The following RALGPS1 variants were observed in gnomAD, a reference collection of about 807,000 sequenced individuals.
RALGPS1 encodes Ral GEF with PH domain and SH3 binding motif 1.
In RALGPS1, 19 loss-of-function variants were observed where a neutral mutation model predicts 78.8. The ratio of observed to expected loss-of-function variants is 0.24; its 90% CI spans 0.17 to 0.35. The LOEUF (loss-of-function observed/expected upper bound fraction) is 0.35. Among genes scored for constraint, RALGPS1 ranks in the 10% least tolerant of loss-of-function variants. The probability of loss-of-function intolerance (pLI) is 1.00; values close to 1 mark genes in which losing one functional copy is unlikely to be tolerated. For synonymous variants in RALGPS1, 228 were observed against 256.3 expected (o/e 0.89, Z 1.06); for missense variants, 454 against 688.3 (o/e 0.66, Z 3.81).
intron 1 of RALGPS1, among the ~76,000 whole-genome samples, chr9:126,916,654 C>T (rs1472320067): frequency 2.0e-5 from 3 of 152,162 alleles, no homozygotes; most frequent in Non-Finnish European, 4.4e-5. Flanking sequence ...TGGTGGCGGG[C>T]ACCTGTAATC....
chr9:126,992,450 C>T (rs2042366944), intron 4 of RALGPS1, among the ~76,000 whole-genome samples: 1 of 152,306 alleles, frequency 6.6e-6, no homozygotes, highest in Non-Finnish European at 1.5e-5. Context: ...AGGTAGTGTA[C>T]ATCCTTAAAG....
At chr9:127,037,231 A>T (rs964597678) in intron 5 of RALGPS1, among the ~76,000 whole-genome samples, 1 of 152,236 alleles carries the variant, frequency 6.6e-6, no homozygotes, top group Admixed American at 6.5e-5. Context: ...TTAAGACCAG[A>T]CCAACAGGCT....
At chr9:126,989,222 G>A (rs2042066091) in intron 4 of RALGPS1, among the ~76,000 whole-genome samples, 1 of 152,206 alleles carries the variant, frequency 6.6e-6, no homozygotes, top group Non-Finnish European at 1.5e-5. Context: ...GGTCTTTGAG[G>A]TGGGGTGGCT....
rs778992657 is a variant in RALGPS1, at chr9:127,108,594, C to T, written c.610+39238C>T. On this transcript the variant is annotated intron_variant, in intron 8 of 18. Coordinates refer to ENST00000259351, the MANE Select transcript of RALGPS1 (RefSeq NM_014636.3). Reference sequence around the variant, plus strand: ...TGCACTTGTCCTGGGACTCGCCCGCCCGCTTGTACCTGTTTAGGTAAATGA... The same window carrying T: ...TGCACTTGTCCTGGGACTCGCCCGCTCGCTTGTACCTGTTTAGGTAAATGA... The T allele has an allele frequency of 6.8e-6, 11 of 1,613,656 alleles. No homozygotes were observed. The Admixed American group carries it at 1.8e-4, about 27-fold the overall frequency.
At chr9:126,949,039 C>G (rs2037552521) in intron 1 of RALGPS1, among the ~76,000 whole-genome samples, 1 of 149,554 alleles carries the variant, frequency 6.7e-6, no homozygotes, top group Non-Finnish European at 1.5e-5. Flanking sequence ...TTGTTCAATT[C>G]CCATCTGTGA....
chr9:127,219,688 G>C lies in RALGPS1; in HGVS notation c.*919G>C, dbSNP rs188401828. The C allele has an allele frequency of 6.6e-6, 1 of 152,628 alleles. No homozygotes were observed. The highest frequency in any genetic ancestry group is 2.4e-5 in the African/African-American group (1 of 41,448). The allele number at this position is 152,628 out of a possible 1,614,324, so 9.5% of individuals were successfully genotyped here. On this transcript the variant is annotated 3_prime_UTR_variant, in exon 19 of 19. Coordinates refer to ENST00000259351, the MANE Select transcript of RALGPS1 (RefSeq NM_014636.3). This position sits in a 1 kb window ranked among gnomAD's most constrained non-coding sequence, Gnocchi z 5.0. ...CAGAATGGGAAGTTGTGACGTTGCAGCTCCAACCGACGTGCTCATAGTGAT... is the reference window on the plus strand; with the variant it reads ...CAGAATGGGAAGTTGTGACGTTGCACCTCCAACCGACGTGCTCATAGTGAT...
intron 8 of RALGPS1, among the ~76,000 whole-genome samples, chr9:127,118,623 C>T (rs191424338): frequency 6.6e-6 from 1 of 152,290 alleles, no homozygotes; most frequent in Non-Finnish European, 1.5e-5. Context: ...AAGACGGGGA[C>T]AGCACCACCC....
chr9:127,008,685 G>T (rs1024738469), intron 4 of RALGPS1, among the ~76,000 whole-genome samples: 3 of 152,168 alleles, frequency 2.0e-5, no homozygotes, highest in Non-Finnish European at 4.4e-5. Context: ...CTGGGTTTGA[G>T]ATCCTGCTCT....
At chr9:127,107,848 C>T in intron 8 of RALGPS1, 4 of 1,466,286 alleles carry the variant, frequency 2.7e-6, no homozygotes, top group Non-Finnish European at 3.7e-6. Context: ...CATTTGTGGA[C>T]ACAGCCAAGG....
intron 1 of RALGPS1, among the ~76,000 whole-genome samples, chr9:126,928,586 G>A (rs1005659260): frequency 1.3e-5 from 2 of 152,088 alleles, no homozygotes; most frequent in Non-Finnish European, 2.9e-5. Flanking sequence ...TACTACCAGT[G>A]AGGATACTTT....
intron 7 of RALGPS1, among the ~76,000 whole-genome samples, chr9:127,065,624 TAATA>T (rs2049622101): frequency 6.6e-6 from 1 of 152,158 alleles, no homozygotes; most frequent in Non-Finnish European, 1.5e-5. Flanking sequence ...TTATTATATA[TAATA>T]AATATGTCTA....
chr9:127,034,905 G>T (rs948973117), intron 5 of RALGPS1, among the ~76,000 whole-genome samples: 1 of 152,000 alleles, frequency 6.6e-6, no homozygotes, highest in African/African-American at 2.4e-5. Flanking sequence ...GGCCCCATGT[G>T]TGTGGTCTTC....
intron 4 of RALGPS1, among the ~76,000 whole-genome samples, chr9:127,032,133 A>G (rs929538982): frequency 6.6e-6 from 1 of 152,198 alleles, no homozygotes; most frequent in African/African-American, 2.4e-5. Flanking sequence ...GGTGCTTTGC[A>G]TGTCTTAATC....
intron 7 of RALGPS1, among the ~76,000 whole-genome samples, chr9:127,055,912 C>T (rs2048703054): frequency 6.6e-6 from 1 of 152,210 alleles, no homozygotes; most frequent in African/African-American, 2.4e-5. Context: ...TGCTGCTGGC[C>T]TGGCACCTGG....
chr9:126,965,989 A>G, intron 3 of RALGPS1, 38 bp downstream of exon 3: 2 of 1,487,628 alleles, frequency 1.3e-6, no homozygotes, highest in Non-Finnish European at 9.4e-7. Context: ...GCTGGGCACC[A>G]CAGCAGGGCA....
intron 8 of RALGPS1, among the ~76,000 whole-genome samples, chr9:127,157,573 T>C (rs1316950653): frequency 6.6e-6 from 1 of 152,100 alleles, no homozygotes; most frequent in Non-Finnish European, 1.5e-5. Flanking sequence ...ATTTCTAAGT[T>C]TATTCCTAGG....
intron 4 of RALGPS1, among the ~76,000 whole-genome samples, chr9:127,009,336 C>G (rs2133855890): frequency 1.3e-5 from 2 of 152,272 alleles, no homozygotes; most frequent in South Asian, 4.2e-4. Flanking sequence ...CTGGGATCAT[C>G]CATCTCCCTT....
chr9:127,196,725 G>GACACA, intron 13 of RALGPS1, 94 bp downstream of exon 13: 1 of 1,410,850 alleles, frequency 7.1e-7, no homozygotes, highest in Non-Finnish European at 9.5e-7. Context: ...CATGCCCAGT[G>GACACA]GCGCTATCAT....
chr9:127,070,370 G>A (rs1019017302), intron 8 of RALGPS1, among the ~76,000 whole-genome samples: 2 of 152,090 alleles, frequency 1.3e-5, no homozygotes, highest in African/African-American at 4.8e-5. Context: ...CTCAATGAAC[G>A]TCCTTATTGC....
Sources: gnomAD v4.1 joint callset for allele counts (sites outside exome capture counted in the v4.1 genomes callset) on GRCh38, gnomAD v4.1.1 for gene constraint, Gnocchi (gnomAD v3.1) non-coding constraint, MANE v1.5 for transcripts, NCBI Gene and HGNC (gene_info 2026-07-23, HGNC 2026-07-21) for gene names.